Variants in MINDY3 observed in about 807,000 individuals in gnomAD.
The protein encoded by MINDY3 is MINDY lysine 48 deubiquitinase 3.
MINDY3 carries 38 observed loss-of-function variants against 69.2 expected under a neutral mutation model. The ratio of observed to expected loss-of-function variants is 0.55; its 90% confidence interval spans 0.42 to 0.72. The LOEUF (loss-of-function observed/expected upper bound fraction) is 0.72, where lower values mean the gene tolerates loss of function less well. Among genes scored for constraint, MINDY3 ranks in the 30% least tolerant of loss-of-function variants. The pLI is 0.00. For missense variants in MINDY3, 522 were observed against 519.0 expected (o/e 1.01, Z -0.06); for synonymous variants, 192 against 180.1 (o/e 1.07, Z -0.53).
intron 10 of MINDY3, among the ~76,000 whole-genome samples, chr10:15,797,410 C>T (rs1409864339): frequency 2.6e-5 from 4 of 152,138 alleles, no homozygotes; most frequent in Non-Finnish European, 5.9e-5. Flanking sequence ...GCTCACCCTT[C>T]ACTGCATTTC....
chr10:15,830,068 C>T (rs747166531), intron 8 of MINDY3, among the ~76,000 whole-genome samples: 1 of 152,140 alleles, frequency 6.6e-6, no homozygotes, highest in Non-Finnish European at 1.5e-5. Flanking sequence ...CAGTAAGGTA[C>T]AAATAACTAG....
intron 8 of MINDY3, 38 bp downstream of exon 8, chr10:15,833,592 T>C (rs1045753737): frequency 1.6e-6 from 2 of 1,258,782 alleles, no homozygotes; most frequent in Non-Finnish European, 2.3e-6. Context: ...TGAAATATTA[T>C]TCATCAAAGA....
intron 10 of MINDY3, among the ~76,000 whole-genome samples, chr10:15,811,024 T>A (rs1485538545): frequency 2.6e-5 from 4 of 152,154 alleles, no homozygotes; most frequent in African/African-American, 9.7e-5. Flanking sequence ...ATAATAATAA[T>A]TTTAATGATC....
chr10:15,807,634 T>C (rs966059402), intron 10 of MINDY3, among the ~76,000 whole-genome samples: 3 of 152,248 alleles, frequency 2.0e-5, no homozygotes, highest in Non-Finnish European at 2.9e-5. Context: ...TTAAAACTCA[T>C]AGGCTTCATT....
At chr10:15,806,890 T>G (rs1254450532) in intron 10 of MINDY3, among the ~76,000 whole-genome samples, 1 of 152,310 alleles carries the variant, frequency 6.6e-6, no homozygotes, top group African/African-American at 2.4e-5. Context: ...TAATCTTTTC[T>G]ACACCTACTT....
chr10:15,823,360 C>A lies in MINDY3; in HGVS notation c.731-1634G>T, dbSNP rs191345411. Among the ~76,000 whole-genome samples the A allele has an allele frequency of 2.0e-5, 3 of 152,240 alleles. No homozygotes were observed. In the East Asian group the frequency reaches 5.8e-4, roughly 29 times the overall value. On this transcript the variant is annotated intron_variant, in intron 8 of 14. Transcript: ENST00000277632. Reference sequence around the variant, plus strand: ...ATATGATGTTAATTACCTTTTTACACTTACTCTCTCATAAGCACAGAGTTT... The same window carrying A: ...ATATGATGTTAATTACCTTTTTACAATTACTCTCTCATAAGCACAGAGTTT...
chr10:15,833,421 A>G (rs1338066536), intron 8 of MINDY3, among the ~76,000 whole-genome samples: 3 of 152,338 alleles, frequency 2.0e-5, no homozygotes, highest in African/African-American at 7.2e-5. Flanking sequence ...CACTAAAGTC[A>G]TACATTTGGG....
intron 1 of MINDY3, among the ~76,000 whole-genome samples, chr10:15,849,294 T>C (rs1016403440): frequency 2.0e-5 from 3 of 152,056 alleles, no homozygotes; most frequent in Admixed American, 2.0e-4. Context: ...CAGAGAAAAT[T>C]TAACACAGCT....
At chr10:15,838,156 C>A in intron 5 of MINDY3, 72 bp downstream of exon 5, 3 of 1,446,314 alleles carry the variant, frequency 2.1e-6, no homozygotes, top group Non-Finnish European at 1.8e-6. Context: ...AGAACCTTTC[C>A]ACAGTATGAA....
chr10:15,786,732 C>T, intron 12 of MINDY3, 84 bp from the exon 13 acceptor site: 1 of 799,368 alleles, frequency 1.3e-6, no homozygotes, highest in South Asian at 1.5e-5. Flanking sequence ...ACTGGTACTA[C>T]AACACATTCG....
chr10:15,830,880 G>C (rs1200400695), intron 8 of MINDY3, among the ~76,000 whole-genome samples: 1 of 152,154 alleles, frequency 6.6e-6, no homozygotes, highest in East Asian at 1.9e-4. Context: ...TTTGTGGCCT[G>C]GTCGTTACAC....
chr10:15,782,968 C>T (rs910392867), intron 13 of MINDY3, among the ~76,000 whole-genome samples: 1 of 152,178 alleles, frequency 6.6e-6, no homozygotes, highest in Non-Finnish European at 1.5e-5. Context: ...CAGTGATTTC[C>T]CTCAGGGCCC....
At chr10:15,797,531 A>C (rs1175563314) in intron 10 of MINDY3, among the ~76,000 whole-genome samples, 6 of 152,074 alleles carry the variant, frequency 3.9e-5, no homozygotes. Context: ...GGACCCTTGA[A>C]TTGTATCTAG....
Position 15,843,271 on chromosome 10 carries a change from G to A in MINDY3, c.176C>T (p.Ala59Val). Reference sequence around the variant, plus strand: ...AAACAGGAGCTTCTTCAAAAGAAATGCCTTTACACAATTAAAGCAATAATT... The same window carrying A: ...AAACAGGAGCTTCTTCAAAAGAAATACCTTTACACAATTAAAGCAATAATT... Reference protein sequence around the residue: ...GPCAVIAPVQAFLLKKLLFSS... With the variant: ...GPCAVIAPVQVFLLKKLLFSS... Residue 59 changes from alanine (A) to valine (V), a missense_variant and splice_region_variant, in exon 3 of 15, where the codon GCA becomes GTA. Ala to Val is a moderately conservative substitution (Grantham distance 64, BLOSUM62 0). Coordinates refer to ENST00000277632, the MANE Select transcript of MINDY3 (RefSeq NM_024948.4). The A allele has an allele frequency of 6.2e-7, 1 of 1,610,212 alleles. No individual in the cohort carries two copies. Among genetic ancestry groups the A allele is most frequent in the Non-Finnish European group, 8.5e-7 (1 of 1,176,612 alleles).
At chr10:15,848,267 C>G (rs1833993853) in intron 1 of MINDY3, among the ~76,000 whole-genome samples, 1 of 152,168 alleles carries the variant, frequency 6.6e-6, no homozygotes. Flanking sequence ...TAAATTCAAA[C>G]AATTTTTAGA....
chr10:15,828,681 A>G (rs1840256638), intron 8 of MINDY3, among the ~76,000 whole-genome samples: 1 of 152,216 alleles, frequency 6.6e-6, no homozygotes, highest in Admixed American at 6.5e-5. Flanking sequence ...GTATATACAA[A>G]ACATGTTTAC....
intron 1 of MINDY3, among the ~76,000 whole-genome samples, chr10:15,853,519 C>T (rs559675272): frequency 6.6e-6 from 1 of 152,072 alleles, no homozygotes; most frequent in Non-Finnish European, 1.5e-5. Flanking sequence ...CACACAACTA[C>T]AGAGCCAATT....
chr10:15,821,625 A>T, intron 9 of MINDY3, 31 bp downstream of exon 9: 1 of 1,551,156 alleles, frequency 6.4e-7, no homozygotes, highest in Non-Finnish European at 8.8e-7. Context: ...CTAAACAAAA[A>T]ACATTCAAAG....
chr10:15,813,317 T>C (rs757437546), intron 10 of MINDY3, among the ~76,000 whole-genome samples: 1 of 152,164 alleles, frequency 6.6e-6, no homozygotes, highest in African/African-American at 2.4e-5. Context: ...TGTCTGTCCT[T>C]CTTTCTTCAG....
Sources: gnomAD v4.1 joint callset for allele counts (sites outside exome capture counted in the v4.1 genomes callset) on GRCh38, gnomAD v4.1.1 for gene constraint, MANE v1.5 for transcripts, NCBI Gene and HGNC (gene_info 2026-07-23, HGNC 2026-07-21) for gene names.